YTHDC1: variants seen among roughly 807,000 people sequenced by gnomAD.
YTHDC1 encodes YTH domain-containing protein 1.
A neutral mutation model predicts 107.0 loss-of-function variants in YTHDC1; 12 were observed. The observed-to-expected ratio is 0.11, with a 90% CI of 0.07 to 0.18. YTHDC1 has a LOEUF of 0.18. Among genes scored for constraint, YTHDC1 ranks in the 10% least tolerant of loss-of-function variants. The probability of loss-of-function intolerance (pLI) is 1.00; values close to 1 mark genes in which losing one functional copy is unlikely to be tolerated. For synonymous variants in YTHDC1, 280 were observed against 289.5 expected (o/e 0.97, Z 0.33); for missense variants, 635 against 898.8 (o/e 0.71, Z 3.75).
chr4:68,342,179 G>C (rs1724877718), intron 1 of YTHDC1, among the ~76,000 whole-genome samples: 1 of 152,132 alleles, frequency 6.6e-6, no homozygotes, highest in Non-Finnish European at 1.5e-5. Flanking sequence ...CATGGTTCCA[G>C]GGCTCAACCG....
chr4:68,339,550 A>AT (rs1712862141), intron 1 of YTHDC1, among the ~76,000 whole-genome samples: 1 of 152,186 alleles, frequency 6.6e-6, no homozygotes, highest in South Asian at 2.1e-4. Flanking sequence ...GGACAAAGAT[A>AT]TATTATGTCT....
In YTHDC1 at chr4:68,316,346, G is replaced by C; in HGVS notation, c.1927C>G (p.Pro643Ala). 1 of 1,613,862 alleles carries C rather than the reference G, an allele frequency of 6.2e-7. No individual in the cohort carries two copies. Among genetic ancestry groups the C allele is most frequent in the Non-Finnish European group, 8.5e-7 (1 of 1,179,858 alleles). The change falls in exon 16 of 17, where the codon CCA becomes GCA. Residue 643 changes from proline (P) to alanine (A), a missense_variant. Coordinates refer to ENST00000344157, the MANE Select transcript of YTHDC1 (RefSeq NM_001031732.4). ...HPPYSGHHPV[P>A]HEARYRDKRV... is the part of the protein sequence containing the mutation. ...TTATCTCTGTATCTTGCTTCATGTG[G>C]TACTGGATGATGTCCTGAGTAAGGG...
At chr4:68,347,569 TTACTGTTCTGTGATTAATATAATTGCC>T (rs1247055627) in intron 1 of YTHDC1, among the ~76,000 whole-genome samples, 2 of 152,210 alleles carry the variant, frequency 1.3e-5, no homozygotes, top group African/African-American at 4.8e-5. Context: ...ACAAGGGTCT[TTACTGTTCTGTGATTAATATAATTGCC>T]AATTTCTGCA....
At chr4:68,333,884 A>G (rs1723867739) in intron 4 of YTHDC1, among the ~76,000 whole-genome samples, 1 of 152,070 alleles carries the variant, frequency 6.6e-6, no homozygotes, top group Non-Finnish European at 1.5e-5. Context: ...AAATATATAT[A>G]CCATAATTAG....
At chr4:68,346,078 C>CACATAT (rs377126144) in intron 1 of YTHDC1, among the ~76,000 whole-genome samples, 1 of 132,676 alleles carries the variant, frequency 7.5e-6, no homozygotes, top group Non-Finnish European at 1.6e-5. Flanking sequence ...TGTGTGTGTA[C>CACATAT]ATATATATAT....
intron 1 of YTHDC1, chr4:68,344,015 A>G (rs1239418982): frequency 6.6e-6 from 1 of 152,196 alleles, no homozygotes; most frequent in East Asian, 1.9e-4. Context: ...ACTTAAAAAA[A>G]TACTATTTGA....
At chr4:68,343,785 T>C (rs1248986881) in intron 1 of YTHDC1, among the ~76,000 whole-genome samples, 2 of 152,096 alleles carry the variant, frequency 1.3e-5, no homozygotes, top group Non-Finnish European at 2.9e-5. Flanking sequence ...TTAAAATCTA[T>C]AAAATTTTGT....
chr4:68,315,349 C>T (rs1721735936), intron 16 of YTHDC1, among the ~76,000 whole-genome samples: 1 of 151,968 alleles, frequency 6.6e-6, no homozygotes, highest in Non-Finnish European at 1.5e-5. Flanking sequence ...ACTGACAACA[C>T]AAAAAAATGT....
rs371998010 is a variant in YTHDC1 at position 68,326,879 on chromosome 4, C to T, written c.1350-2656G>A. ...GTGCTGGGATTACAGGCATGAACCA[C>T]TGCGCCCAGCCATGCAGAGGCTCTT... On this transcript the variant is annotated intron_variant, in intron 9 of 16. Transcript: ENST00000344157. Among the ~76,000 whole-genome samples, 10 of 151,888 alleles carry T rather than the reference C, an allele frequency of 6.6e-5. No individual in the cohort carries two copies. The East Asian group carries it at 7.9e-4, about 12-fold the overall frequency.
At chr4:68,332,549 CACAT>C (rs1247675129) in intron 6 of YTHDC1, among the ~76,000 whole-genome samples, 1 of 150,900 alleles carries the variant, frequency 6.6e-6, no homozygotes, top group Non-Finnish European at 1.5e-5. Context: ...AACACATACA[CACAT>C]ACACACACAC....
At chr4:68,343,359 C>G (rs1725058984) in intron 1 of YTHDC1, among the ~76,000 whole-genome samples, 1 of 151,202 alleles carries the variant, frequency 6.6e-6, no homozygotes, top group East Asian at 2.0e-4. Flanking sequence ...CCACACCATG[C>G]CCAGCTAATT....
At position 68,333,860 on chromosome 4, in the gene YTHDC1, C is replaced by CT. The variant is rs201842606; in HGVS notation, c.884-464dup. Among the ~76,000 whole-genome samples the CT allele has an allele frequency of 3.1e-3, 471 of 152,242 alleles. 2 individuals are homozygous for CT. The highest frequency in any genetic ancestry group is 0.011 in the African/African-American group (447 of 41,532). The stretch of plus-strand genomic sequence containing the variant: ...ATCTGATGAACCCCTGAACCCAAAG[C>CT]TTTACAACTGGAAAAATATATATAC... On this transcript the variant is annotated intron_variant, in intron 4 of 16. Transcript: ENST00000344157.
chr4:68,319,923 TG>T (rs751368396), intron 12 of YTHDC1, among the ~76,000 whole-genome samples, 199 bp downstream of exon 12: 1 of 152,102 alleles, frequency 6.6e-6, no homozygotes, highest in Non-Finnish European at 1.5e-5. Flanking sequence ...TGAGTTACAC[TG>T]GAATAGACTA....
rs964092437 is a variant in YTHDC1 at position 68,314,037 on chromosome 4, C to T, written c.*62G>A. On this transcript the variant is annotated 3_prime_UTR_variant, in exon 17 of 17. Coordinates refer to ENST00000344157, the MANE Select transcript of YTHDC1 (RefSeq NM_001031732.4). ...AAAATAAATTTACTACTTGTAAACA[C>T]ACACAAAAAAAAAATACAAGATTTT... The T allele has an allele frequency of 1.3e-6, 2 of 1,542,366 alleles. No homozygotes were observed. Among genetic ancestry groups the T allele is most frequent in the African/African-American group, 1.4e-5 (1 of 72,590 alleles).
At chr4:68,316,222 C>A in intron 16 of YTHDC1, 92 bp downstream of exon 16, 1 of 1,370,020 alleles carries the variant, frequency 7.3e-7, no homozygotes, top group Non-Finnish European at 9.9e-7. Context: ...ATGCAATGGT[C>A]CGTCAATCAT....
At chr4:68,349,148 A>G (rs530667955) in intron 1 of YTHDC1, among the ~76,000 whole-genome samples, 9 of 152,332 alleles carry the variant, frequency 5.9e-5, no homozygotes, top group African/African-American at 1.9e-4. Context: ...TTCCAAACTA[A>G]GTATTCCTTT....
At chr4:68,346,692 AGT>A (rs1725483647) in intron 1 of YTHDC1, among the ~76,000 whole-genome samples, 1 of 152,164 alleles carries the variant, frequency 6.6e-6, no homozygotes, top group Admixed American at 6.6e-5. Context: ...CACATATGGC[AGT>A]GTCAGTGTTC....
At position 68,349,985 on chromosome 4, in the gene YTHDC1, C is replaced by A. The variant is rs559549339; in HGVS notation, c.-232G>T. 9 of 619,878 alleles carry A rather than the reference C, an allele frequency of 1.5e-5. No homozygotes were observed. Among genetic ancestry groups the A allele is most frequent in the African/African-American group, 3.7e-5 (2 of 53,734 alleles). 38.4% of individuals were successfully genotyped at this position (619,878 alleles called of 1,614,324 possible). A position where few individuals can be genotyped will look rare whatever the true frequency, so the allele number is the denominator to read the frequency against. ...CCTAGGCCCAGCCTTCTCGTTAGGGCTCAGACTCGGGCTAGGTATGGGGGA... is the reference window on the plus strand; with the variant it reads ...CCTAGGCCCAGCCTTCTCGTTAGGGATCAGACTCGGGCTAGGTATGGGGGA... On this transcript the variant is annotated 5_prime_UTR_variant, in exon 1 of 17. Transcript: ENST00000344157.
At chr4:68,315,757 A>C (rs1721791562) in intron 16 of YTHDC1, 1 of 152,144 alleles carries the variant, frequency 6.6e-6, no homozygotes, top group Non-Finnish European at 1.5e-5. Context: ...AATCTTATCA[A>C]ATAATTAACA....
Sources: gnomAD v4.1 joint callset for allele counts (sites outside exome capture counted in the v4.1 genomes callset) on GRCh38, gnomAD v4.1.1 for gene constraint, MANE v1.5 for transcripts, NCBI Gene and HGNC (gene_info 2026-07-23, HGNC 2026-07-21) for gene names.